PIK3C2G: variants seen among roughly 807,000 people sequenced by gnomAD.
The protein encoded by PIK3C2G is phosphatidylinositol 3-kinase C2 domain-containing subunit gamma.
Under a neutral mutation model 181.1 loss-of-function variants are expected in PIK3C2G, and 168 were observed. The observed-to-expected ratio is 0.93, with a 90% CI of 0.82 to 1.05. The LOEUF (loss-of-function observed/expected upper bound fraction) is 1.05. Among genes scored for constraint, PIK3C2G ranks in the 50% least tolerant of loss-of-function variants. The pLI is 0.00. For missense variants in PIK3C2G, 1,869 were observed against 1,732.8 expected (o/e 1.08, Z -1.40); for synonymous variants, 573 against 592.2 (o/e 0.97, Z 0.47).
intron 29 of PIK3C2G, among the ~76,000 whole-genome samples, chr12:18,581,068 A>G (rs1223545622): frequency 6.6e-6 from 1 of 152,244 alleles, no homozygotes; most frequent in Non-Finnish European, 1.5e-5. Flanking sequence ...CAGATGACAT[A>G]GGAAAAGCAC....
chr12:18,264,171 T>G (rs1235095062), intron 1 of PIK3C2G, among the ~76,000 whole-genome samples: 1 of 152,092 alleles, frequency 6.6e-6, no homozygotes. Context: ...AAATCAAAAT[T>G]TATATCTGTA....
chr12:18,264,791 G>GA (rs1386436744), intron 1 of PIK3C2G, among the ~76,000 whole-genome samples: 3 of 152,106 alleles, frequency 2.0e-5, no homozygotes, highest in African/African-American at 7.2e-5. Context: ...AACCTTTTGA[G>GA]AAAACTCTCT....
intron 12 of PIK3C2G, among the ~76,000 whole-genome samples, chr12:18,364,522 G>T (rs989347457): frequency 3.2e-4 from 49 of 152,140 alleles, no homozygotes; most frequent in African/African-American, 1.2e-3. Flanking sequence ...GTCGACAGCA[G>T]GTAAAGCAGC....
chr12:18,691,248 CA>C, the PIK3C2G span, among the ~76,000 whole-genome samples: 1 of 152,118 alleles, frequency 6.6e-6, no homozygotes, highest in Non-Finnish European at 1.5e-5. Flanking sequence ...AAGAATGGGG[CA>C]ATTTGTTGAC....
At chr12:18,424,926 T>C (rs1447546987) in intron 18 of PIK3C2G, 1 of 207,322 alleles carries the variant, frequency 4.8e-6, no homozygotes, top group Admixed American at 4.3e-5. Flanking sequence ...CAATTCCATA[T>C]GGCATGTCCA....
At chr12:18,633,358 G>A (rs1384062839) in intron 31 of PIK3C2G, among the ~76,000 whole-genome samples, 2 of 152,170 alleles carry the variant, frequency 1.3e-5, no homozygotes, top group Non-Finnish European at 2.9e-5. Flanking sequence ...AAAATAAAGA[G>A]TAAATACTCA....
intron 24 of PIK3C2G, among the ~76,000 whole-genome samples, chr12:18,508,814 G>C (rs1185372403): frequency 6.6e-6 from 1 of 151,962 alleles, no homozygotes; most frequent in Non-Finnish European, 1.5e-5. Context: ...CATGCCCTAG[G>C]ACTGTCATAA....
At chr12:18,434,513 G>A (rs998436017) in intron 18 of PIK3C2G, among the ~76,000 whole-genome samples, 4 of 152,132 alleles carry the variant, frequency 2.6e-5, no homozygotes, top group Non-Finnish European at 5.9e-5. Context: ...TAGAATCATA[G>A]CAAGAGAATC....
chr12:18,362,046 A>G (rs1273931082), intron 11 of PIK3C2G, among the ~76,000 whole-genome samples: 1 of 152,096 alleles, frequency 6.6e-6, no homozygotes, highest in Non-Finnish European at 1.5e-5. Flanking sequence ...CAAGACAGAC[A>G]AGACAGAAAC....
intron 30 of PIK3C2G, among the ~76,000 whole-genome samples, chr12:18,605,568 G>A (rs925315125): frequency 1.3e-5 from 2 of 151,974 alleles, no homozygotes; most frequent in African/African-American, 4.8e-5. Context: ...AACTAGGACA[G>A]GACACAACCA....
the PIK3C2G span, among the ~76,000 whole-genome samples, chr12:18,663,738 G>GA: frequency 6.6e-6 from 1 of 151,854 alleles, no homozygotes; most frequent in African/African-American, 2.4e-5. Context: ...GAAGAAAAAA[G>GA]AAAGAAATTG....
At chr12:18,407,169 A>T (rs1160739341) in intron 16 of PIK3C2G, among the ~76,000 whole-genome samples, 1 of 152,112 alleles carries the variant, frequency 6.6e-6, no homozygotes, top group East Asian at 1.9e-4. Context: ...ATTACATTTT[A>T]AAGAGAATTT....
chr12:18,252,740 G>A (rs1273411435), intron 1 of PIK3C2G, among the ~76,000 whole-genome samples: 2 of 152,116 alleles, frequency 1.3e-5, no homozygotes, highest in Non-Finnish European at 2.9e-5. Context: ...TGTATGAGGA[G>A]GGTACCTCTC....
intron 28 of PIK3C2G, 127 bp downstream of exon 28, chr12:18,563,625 A>C: frequency 1.3e-6 from 1 of 763,722 alleles, no homozygotes; most frequent in East Asian, 2.7e-5. Flanking sequence ...CATTGAATCT[A>C]TCCCAGCAGA....
intron 5 of PIK3C2G, among the ~76,000 whole-genome samples, chr12:18,304,863 C>T: frequency 6.6e-6 from 1 of 152,140 alleles, no homozygotes; most frequent in Middle Eastern, 3.2e-3. Flanking sequence ...ACTTTTAAGA[C>T]TTACTTTGAG....
At chr12:18,552,750 G>A (rs1353186129) in intron 26 of PIK3C2G, among the ~76,000 whole-genome samples, 1 of 151,946 alleles carries the variant, frequency 6.6e-6, no homozygotes, top group Admixed American at 6.6e-5. Flanking sequence ...AAGTTGCACG[G>A]CCCAGTCACA....
upstream of PIK3C2G, among the ~76,000 whole-genome samples, chr12:18,244,424 A>G (rs1420417738): frequency 6.6e-6 from 1 of 152,026 alleles, no homozygotes; most frequent in Non-Finnish European, 1.5e-5. Context: ...ATTGCTTAAA[A>G]GGTATAATAA....
intron 27 of PIK3C2G, 116 bp downstream of exon 27, chr12:18,563,008 AT>A: frequency 1.4e-6 from 1 of 702,008 alleles, no homozygotes. Context: ...CAAATGAAAA[AT>A]AATTTACAAT....
At chr12:18,397,262 A>G (rs1279562868) in intron 15 of PIK3C2G, among the ~76,000 whole-genome samples, 1 of 152,020 alleles carries the variant, frequency 6.6e-6, no homozygotes, top group Non-Finnish European at 1.5e-5. Context: ...ATGTTTTCTT[A>G]AACAAATAAA....
Sources: allele counts gnomAD v4.1 joint callset (sites outside exome capture counted in the v4.1 genomes callset), GRCh38; gene constraint gnomAD v4.1.1; transcripts MANE v1.5; gene names NCBI Gene and HGNC (gene_info 2026-07-23, HGNC 2026-07-21).